CACNA2D3: variants seen among roughly 807,000 people sequenced by gnomAD.
The protein encoded by CACNA2D3 is calcium voltage-gated channel auxiliary subunit alpha2delta 3, also known as voltage-dependent calcium channel subunit alpha-2/delta-3.
In CACNA2D3, 60 loss-of-function variants were observed where a neutral mutation model predicts 160.6. That is an observed-to-expected ratio of 0.37 (90% CI 0.30 to 0.46). CACNA2D3 has a LOEUF of 0.46. Among genes scored for constraint, CACNA2D3 ranks in the 20% least tolerant of loss-of-function variants. The probability of loss-of-function intolerance (pLI) is 1.00; values close to 1 mark genes in which losing one functional copy is unlikely to be tolerated. For synonymous variants in CACNA2D3, 558 were observed against 492.9 expected, an observed-to-expected ratio of 1.13 and a Z score of -1.75; for missense variants, 1,205 against 1,365.0, an observed-to-expected ratio of 0.88 and a Z score of 1.85.
chr3:54,437,985 T>A lies in CACNA2D3; in HGVS notation c.381+51211T>A, dbSNP rs567195547. Among the ~76,000 whole-genome samples the A allele has an allele frequency of 2.0e-5, 3 of 152,280 alleles. No homozygotes were observed. In the East Asian group the frequency reaches 5.8e-4, roughly 29 times the overall value. On this transcript the variant is annotated intron_variant, in intron 4 of 37. Transcript: ENST00000474759. ...TAGGAGGATGATGCATAGATAGAGA[T>A]ATTTACACAGTGTATATATGAGTTC...
chr3:54,895,478 A>C (rs1322472221), intron 25 of CACNA2D3, among the ~76,000 whole-genome samples: 2 of 152,308 alleles, frequency 1.3e-5, no homozygotes, highest in Admixed American at 1.3e-4. Flanking sequence ...CATCTTTGGT[A>C]GAGGTGAAGG....
chr3:54,921,622 A>G (rs1700853125), intron 27 of CACNA2D3, among the ~76,000 whole-genome samples: 1 of 152,136 alleles, frequency 6.6e-6, no homozygotes, highest in Non-Finnish European at 1.5e-5. Flanking sequence ...AATTAATTGA[A>G]TTAATTAATG....
chr3:55,018,428 C>G (rs544188683), intron 35 of CACNA2D3, 111 bp downstream of exon 35: 1 of 668,388 alleles, frequency 1.5e-6, no homozygotes, highest in South Asian at 1.7e-5. Context: ...GAAAACATGG[C>G]TGCCCTCTTG....
chr3:55,053,511 A>AACC (rs1392011819), intron 35 of CACNA2D3, among the ~76,000 whole-genome samples: 1 of 151,998 alleles, frequency 6.6e-6, no homozygotes, highest in Non-Finnish European at 1.5e-5. Flanking sequence ...TAGTTCCTGC[A>AACC]CATCTGTTGT....
At chr3:54,904,674 A>G (rs1005883239) in intron 27 of CACNA2D3, among the ~76,000 whole-genome samples, 5 of 152,164 alleles carry the variant, frequency 3.3e-5, no homozygotes, top group Non-Finnish European at 5.9e-5. Flanking sequence ...TCCCAGTGCC[A>G]AGTACAAGGG....
rs967303131 is a variant in CACNA2D3 at position 54,464,500 on chromosome 3, C to T, written c.382-38992C>T. ...ATGGCGAGCGCCCCTCCCCCAGCCTCGCTGCCACCTTGCAGTTTGATCTCA... is the reference window on the plus strand; with the variant it reads ...ATGGCGAGCGCCCCTCCCCCAGCCTTGCTGCCACCTTGCAGTTTGATCTCA... On this transcript the variant is annotated intron_variant, in intron 4 of 37. Coordinates refer to ENST00000474759, the MANE Select transcript of CACNA2D3 (RefSeq NM_018398.3). 3.1e-4 allele frequency among the ~76,000 whole-genome samples: 47 copies of T among 152,346 alleles called. 1 individual carries two copies. The highest frequency in any genetic ancestry group is 4.1e-4 in the South Asian group (2 of 4,826).
At chr3:54,411,515 C>T (rs1006311559) in intron 4 of CACNA2D3, among the ~76,000 whole-genome samples, 1 of 152,166 alleles carries the variant, frequency 6.6e-6, no homozygotes, top group Non-Finnish European at 1.5e-5. Flanking sequence ...ACTAAAGGCT[C>T]AGATGATCAT....
intron 4 of CACNA2D3, among the ~76,000 whole-genome samples, chr3:54,456,032 G>C (rs948164808): frequency 6.6e-6 from 1 of 152,106 alleles, no homozygotes; most frequent in African/African-American, 2.4e-5. Flanking sequence ...TGGATATTCA[G>C]ACTCTTATAT....
intron 2 of CACNA2D3, among the ~76,000 whole-genome samples, chr3:54,249,693 A>ACACACC (rs1488793230): frequency 6.6e-6 from 1 of 150,710 alleles, no homozygotes; most frequent in Admixed American, 6.6e-5. Flanking sequence ...ACACACACAC[A>ACACACC]CACACCCCTC....
At chr3:54,945,050 G>A (rs2106997543) in intron 27 of CACNA2D3, among the ~76,000 whole-genome samples, 1 of 152,298 alleles carries the variant, frequency 6.6e-6, no homozygotes, top group East Asian at 1.9e-4. Context: ...GAAGATGACA[G>A]TAATTCTAGG....
chr3:54,336,241 G>A lies in CACNA2D3; in HGVS notation c.321+15683G>A, dbSNP rs146463705. On this transcript the variant is annotated intron_variant, in intron 3 of 37. Coordinates refer to ENST00000474759, the MANE Select transcript of CACNA2D3 (RefSeq NM_018398.3). ...CTCAGCTGGGCAGGGTCCCTGACAC[G>A]GACAAGGAGAGGAAAGTGAAGGTGA... is the stretch of plus-strand genomic sequence containing the variant. Among the ~76,000 whole-genome samples the A allele has an allele frequency of 1.4e-3, 206 of 152,250 alleles. 2 individuals carry two copies. The highest frequency in any genetic ancestry group is 4.6e-3 in the African/African-American group (191 of 41,534).
intron 9 of CACNA2D3, among the ~76,000 whole-genome samples, chr3:54,612,033 T>G (rs1698758488): frequency 6.6e-6 from 1 of 152,054 alleles, no homozygotes; most frequent in Admixed American, 6.6e-5. Flanking sequence ...GTCCCAGGAG[T>G]TGGGATTCAC....
chr3:54,518,360 G>A (rs1464087626), intron 5 of CACNA2D3, among the ~76,000 whole-genome samples: 1 of 152,192 alleles, frequency 6.6e-6, no homozygotes, highest in Non-Finnish European at 1.5e-5. Flanking sequence ...TAGGGGAAGT[G>A]AGGGGTGAGG....
chr3:54,654,867 G>C (rs1699847396), intron 11 of CACNA2D3, among the ~76,000 whole-genome samples: 1 of 152,206 alleles, frequency 6.6e-6, no homozygotes, highest in Admixed American at 6.5e-5. Flanking sequence ...TTGGGAATGA[G>C]AATCCAATGG....
At chr3:54,689,115 C>T (rs906460995) in intron 11 of CACNA2D3, among the ~76,000 whole-genome samples, 2 of 150,372 alleles carry the variant, frequency 1.3e-5, no homozygotes, top group Non-Finnish European at 2.9e-5. Context: ...TAGTGATGGT[C>T]GCTGAAACCA....
chr3:54,741,104 A>G (rs1219707962), intron 11 of CACNA2D3, among the ~76,000 whole-genome samples: 1 of 152,128 alleles, frequency 6.6e-6, no homozygotes, highest in Non-Finnish European at 1.5e-5. Flanking sequence ...TCACTGATCC[A>G]GAGGCAGGGG....
chr3:54,618,940 C>T (rs1698922534), intron 9 of CACNA2D3, among the ~76,000 whole-genome samples: 1 of 152,216 alleles, frequency 6.6e-6, no homozygotes, highest in Non-Finnish European at 1.5e-5. Flanking sequence ...TGGCACACTG[C>T]AGCCACTGAA....
intron 31 of CACNA2D3, among the ~76,000 whole-genome samples, chr3:54,990,628 A>G (rs1168404435): frequency 6.6e-6 from 1 of 152,128 alleles, no homozygotes; most frequent in Non-Finnish European, 1.5e-5. Flanking sequence ...GGAGAGCACT[A>G]CCTCCCTTCA....
chr3:54,583,198 C>G (rs577325026), intron 9 of CACNA2D3, among the ~76,000 whole-genome samples: 1 of 152,224 alleles, frequency 6.6e-6, no homozygotes, highest in East Asian at 1.9e-4. Flanking sequence ...CATCCTGGTG[C>G]TTGCAACGTT....
Sources: gnomAD v4.1 joint callset for allele counts (sites outside exome capture counted in the v4.1 genomes callset) on GRCh38, gnomAD v4.1.1 for gene constraint, MANE v1.5 for transcripts, NCBI Gene and HGNC (gene_info 2026-07-23, HGNC 2026-07-21) for gene names.